NAALADL2: variants seen among roughly 807,000 people sequenced by gnomAD.
NAALADL2 encodes inactive N-acetylated-alpha-linked acidic dipeptidase-like protein 2.
A neutral mutation model predicts 87.2 loss-of-function variants in NAALADL2; 76 were observed. The ratio of observed to expected loss-of-function variants is 0.87; its 90% confidence interval spans 0.72 to 1.05. The LOEUF (loss-of-function observed/expected upper bound fraction) is 1.05. Ranked by LOEUF, NAALADL2 falls within the 50% of genes least tolerant of loss-of-function variation. The pLI, the probability that NAALADL2 is intolerant of heterozygous loss-of-function variation, is 0.00. For missense variants in NAALADL2, 1,089 were observed against 945.8 expected, an observed-to-expected ratio of 1.15 and a Z score of -1.99; for synonymous variants, 354 against 331.0, an observed-to-expected ratio of 1.07 and a Z score of -0.75.
At chr3:174,487,037 G>A (rs1394921900) in intron 1 of NAALADL2, among the ~76,000 whole-genome samples, 1 of 151,896 alleles carries the variant, frequency 6.6e-6, no homozygotes, top group Non-Finnish European at 1.5e-5. Flanking sequence ...GGGAATGGTA[G>A]ATGTTGCAAA....
At chr3:174,512,575 G>A (rs2090244) in intron 1 of NAALADL2, among the ~76,000 whole-genome samples, 4,788 of 152,230 alleles carry the variant, frequency 0.031, 241 homozygotes, top group African/African-American at 0.11. Flanking sequence ...TATCTGGAAT[G>A]GATCTCCATG....
At chr3:175,264,011 C>T (rs915310525) in intron 4 of NAALADL2, among the ~76,000 whole-genome samples, 49 of 151,824 alleles carry the variant, frequency 3.2e-4, no homozygotes, top group African/African-American at 1.0e-3. Context: ...CTCTGTATCT[C>T]GTTTAAAATG....
chr3:175,787,305 C>T (rs1160024919), intron 13 of NAALADL2, among the ~76,000 whole-genome samples: 8 of 152,046 alleles, frequency 5.3e-5, no homozygotes, highest in Admixed American at 2.6e-4. Flanking sequence ...GTGCCCCTCC[C>T]CCAGCCTTCC....
intron 10 of NAALADL2, among the ~76,000 whole-genome samples, chr3:175,613,379 G>C (rs1165870597): frequency 6.6e-6 from 1 of 152,158 alleles, no homozygotes; most frequent in East Asian, 1.9e-4. Context: ...CGATAAAGTA[G>C]TGCATAGACT....
At chr3:175,421,410 A>G (rs1715674363) in intron 5 of NAALADL2, among the ~76,000 whole-genome samples, 3 of 152,066 alleles carry the variant, frequency 2.0e-5, no homozygotes. Context: ...TTGTATTTTA[A>G]TATGTCCTCA....
At chr3:174,692,483 T>G (rs1728667306) in intron 2 of NAALADL2, among the ~76,000 whole-genome samples, 1 of 152,174 alleles carries the variant, frequency 6.6e-6, no homozygotes, top group Non-Finnish European at 1.5e-5. Flanking sequence ...CCATAAACTT[T>G]GGCTATTTTT....
chr3:174,457,743 G>T (rs1715936246), intron 1 of NAALADL2, among the ~76,000 whole-genome samples: 1 of 152,112 alleles, frequency 6.6e-6, no homozygotes, highest in South Asian at 2.1e-4. Context: ...TCCGGGAGGT[G>T]GAGGTTGTAG....
intron 11 of NAALADL2, among the ~76,000 whole-genome samples, chr3:175,697,795 A>G (rs545114435): frequency 6.9e-5 from 10 of 144,224 alleles, no homozygotes; most frequent in African/African-American, 2.5e-4. Context: ...GTGTGTGTAT[A>G]TATGTATATA....
intron 2 of NAALADL2, among the ~76,000 whole-genome samples, chr3:174,560,026 T>C (rs1713392199): frequency 6.6e-6 from 1 of 152,258 alleles, no homozygotes; most frequent in Non-Finnish European, 1.5e-5. Flanking sequence ...ATGTACTATA[T>C]AATTTCAGAA....
At chr3:174,684,113 C>A (rs941514812) in intron 2 of NAALADL2, among the ~76,000 whole-genome samples, 61 of 151,942 alleles carry the variant, frequency 4.0e-4, no homozygotes, top group Admixed American at 6.6e-4. Flanking sequence ...CACACACCCT[C>A]CTTACTTCCT....
At chr3:175,555,752 C>T (rs989324936) in intron 9 of NAALADL2, among the ~76,000 whole-genome samples, 13 of 151,942 alleles carry the variant, frequency 8.6e-5, no homozygotes, top group Non-Finnish European at 1.6e-4. Flanking sequence ...TGCATATTGC[C>T]GATGACCCTG....
intron 1 of NAALADL2, among the ~76,000 whole-genome samples, chr3:174,470,053 T>C (rs1030688534): frequency 6.6e-6 from 1 of 151,002 alleles, no homozygotes; most frequent in African/African-American, 2.4e-5. Flanking sequence ...AAGAAAATTC[T>C]AAATTGTACT....
At chr3:174,983,682 G>C (rs1202867372) in intron 1 of NAALADL2, among the ~76,000 whole-genome samples, 2 of 152,018 alleles carry the variant, frequency 1.3e-5, no homozygotes, top group Non-Finnish European at 2.9e-5. Context: ...AGGTGATTCT[G>C]CCCTCATGAT....
chr3:174,833,069 A>G (rs1231206456), intron 3 of NAALADL2, among the ~76,000 whole-genome samples: 2 of 152,174 alleles, frequency 1.3e-5, no homozygotes, highest in Non-Finnish European at 2.9e-5. Context: ...TCTCAGAAAT[A>G]GTATTAACTT....
chr3:175,779,770 A>G (rs188976505), intron 13 of NAALADL2, among the ~76,000 whole-genome samples: 1 of 152,334 alleles, frequency 6.6e-6, no homozygotes, highest in Admixed American at 6.5e-5. Context: ...CCTTTAAGTA[A>G]TACAAGGTTT....
intron 9 of NAALADL2, among the ~76,000 whole-genome samples, chr3:175,510,089 A>T (rs1730938810): frequency 6.6e-6 from 1 of 150,854 alleles, no homozygotes; most frequent in African/African-American, 2.4e-5. Context: ...TATGAGTGAG[A>T]ATATGCGGTG....
At chr3:175,047,335 C>A (rs1351665506) in intron 1 of NAALADL2, among the ~76,000 whole-genome samples, 1 of 152,076 alleles carries the variant, frequency 6.6e-6, no homozygotes. Flanking sequence ...ACATGTATTT[C>A]CCATAGCAGG....
rs1379226078 is a variant in NAALADL2, at chr3:174,864,594, C to T, written c.43+5144C>T. 4.6e-5 allele frequency among the ~76,000 whole-genome samples: 7 copies of T among 151,486 alleles called. No individual in the cohort carries two copies. In the East Asian group the frequency reaches 5.8e-4, roughly 12 times the overall value. On this transcript the variant is annotated intron_variant, in intron 1 of 13. Coordinates refer to ENST00000454872, the MANE Select transcript of NAALADL2 (RefSeq NM_207015.3). ...CTACAGGATGACTTGATTGTTTATA[C>T]GTTATTATTAATCATGCAATAAAAA...
At chr3:175,502,763 T>G (rs1439893628) in intron 9 of NAALADL2, among the ~76,000 whole-genome samples, 2 of 152,166 alleles carry the variant, frequency 1.3e-5, no homozygotes, top group East Asian at 3.9e-4. Flanking sequence ...ATATGTCTAT[T>G]CATTCTTGTC....
Sources: gnomAD v4.1 joint callset for allele counts (sites outside exome capture counted in the v4.1 genomes callset) on GRCh38, gnomAD v4.1.1 for gene constraint, MANE v1.5 for transcripts, NCBI Gene and HGNC (gene_info 2026-07-23, HGNC 2026-07-21) for gene names.